Variants in GNG4 observed in about 807,000 individuals in gnomAD.
GNG4 encodes the protein G protein subunit gamma 4.
GNG4 carries 4 observed loss-of-function variants against 5.8 expected under a neutral mutation model. The observed-to-expected ratio is 0.69, with a 90% CI of 0.34 to 1.57. The LOEUF (loss-of-function observed/expected upper bound fraction) is 1.57. GNG4 is among the 40% of genes most tolerant of loss of function. The pLI is 0.06. For missense variants in GNG4, 96 were observed against 95.1 expected (o/e 1.01, Z -0.04); for synonymous variants, 29 against 32.9 (o/e 0.88, Z 0.41).
chr1:235,587,435 TGG>T (rs1687811578), intron 2 of GNG4, among the ~76,000 whole-genome samples: 3 of 18,400 alleles, frequency 1.6e-4, no homozygotes, highest in South Asian at 3.0e-3. Flanking sequence ...TGTGTGAGGG[TGG>T]GTGAGCGTGT....
In GNG4 at chr1:235,608,617, C is replaced by T. The variant is rs560279496; in HGVS notation, c.-122-13106G>A. ...TCTGGACATTTCACATAAATAAAAT[C>T]ACAAAATATGCAGTCTTTTGTGACT... On this transcript the variant is annotated intron_variant, in intron 1 of 3. Coordinates refer to ENST00000391854, the MANE Select transcript of GNG4 (RefSeq NM_001098722.2). 7.2e-5 allele frequency among the ~76,000 whole-genome samples: 11 copies of T among 152,290 alleles called. 1 individual carries two copies. The South Asian group carries it at 2.3e-3, about 32-fold the overall frequency.
At chr1:235,561,958 A>G (rs1372785769) in intron 3 of GNG4, among the ~76,000 whole-genome samples, 1 of 152,136 alleles carries the variant, frequency 6.6e-6, no homozygotes, top group Non-Finnish European at 1.5e-5. Context: ...ATTTATGTCT[A>G]TAATTTATTT....
At chr1:235,593,362 C>T (rs1156827762) in intron 2 of GNG4, among the ~76,000 whole-genome samples, 1 of 152,192 alleles carries the variant, frequency 6.6e-6, no homozygotes, top group East Asian at 1.9e-4. Context: ...CTGACCTGAC[C>T]TGACTCACGG....
chr1:235,587,018 G>A (rs1687774305), intron 2 of GNG4, among the ~76,000 whole-genome samples: 1 of 151,990 alleles, frequency 6.6e-6, no homozygotes, highest in African/African-American at 2.4e-5. Flanking sequence ...GGGAGGTTCA[G>A]GGGAGGAGGA....
At chr1:235,619,159 T>G (rs1208189165) in intron 1 of GNG4, among the ~76,000 whole-genome samples, 2 of 100,236 alleles carry the variant, frequency 2.0e-5, no homozygotes, top group African/African-American at 8.9e-5. Flanking sequence ...AAAAAAAAAT[T>G]TATATATATA....
chr1:235,577,871 T>G (rs1687525355), intron 3 of GNG4, among the ~76,000 whole-genome samples: 1 of 152,094 alleles, frequency 6.6e-6, no homozygotes, highest in South Asian at 2.1e-4. Context: ...CCCTCTTTCC[T>G]TCCTCCTCTC....
At chr1:235,591,051 T>G (rs540836930) in intron 2 of GNG4, among the ~76,000 whole-genome samples, 1 of 152,248 alleles carries the variant, frequency 6.6e-6, no homozygotes, top group Admixed American at 6.5e-5. Flanking sequence ...ACACTTTGAG[T>G]AGCAAGGCTC....
chr1:235,645,104 T>C (rs562584726), intron 1 of GNG4, among the ~76,000 whole-genome samples: 75 of 152,290 alleles, frequency 4.9e-4, no homozygotes, highest in Non-Finnish European at 8.8e-4. Context: ...CTGCCTGACC[T>C]CTGGCCTCTG....
In GNG4 at chr1:235,644,885, A is replaced by G. The variant is rs770510843; in HGVS notation, c.-123+4777T>C. ...GATGCCAGTTGTTGGGTGTAGCTGG[A>G]CCTTCCTATAGACAGGGAGCCATGG... On this transcript the variant is annotated intron_variant, in intron 1 of 3. Coordinates refer to ENST00000391854, the MANE Select transcript of GNG4 (RefSeq NM_001098722.2). The surrounding 1 kb of genome is among the most constrained non-coding windows in gnomAD (Gnocchi z 5.9). 2.6e-5 allele frequency among the ~76,000 whole-genome samples: 4 copies of G among 152,030 alleles called. No homozygotes were observed. The highest frequency in any genetic ancestry group is 4.4e-5 in the Non-Finnish European group (3 of 68,008).
chr1:235,587,307 TGAG>T (rs1687793834), intron 2 of GNG4, among the ~76,000 whole-genome samples: 1 of 31,414 alleles, frequency 3.2e-5, no homozygotes, highest in African/African-American at 3.1e-4. Flanking sequence ...TGTGTGAGGG[TGAG>T]GGGTGTGTGT....
chr1:235,646,111 C>T (rs1657504681), intron 1 of GNG4, among the ~76,000 whole-genome samples: 1 of 152,194 alleles, frequency 6.6e-6, no homozygotes. Flanking sequence ...TCTTCTATCT[C>T]TAGGGCCTTC....
In GNG4 at chr1:235,617,547, T is replaced by C. The variant is rs115361031; in HGVS notation, c.-122-22036A>G. 1.2e-3 allele frequency among the ~76,000 whole-genome samples: 179 copies of C among 152,178 alleles called. 4 individuals carry two copies. Among genetic ancestry groups the C allele is most frequent in the African/African-American group, 4.2e-3 (173 of 41,508 alleles). ...GGTCAGAGAGTCTACAAGGAAACAA[T>C]GTTTTGCTGTGATTCCCACTTCCCT... On this transcript the variant is annotated intron_variant, in intron 1 of 3. Transcript: ENST00000391854.
intron 1 of GNG4, among the ~76,000 whole-genome samples, chr1:235,637,703 G>A (rs1032367421): frequency 1.3e-5 from 2 of 151,600 alleles, no homozygotes; most frequent in African/African-American, 4.8e-5. Flanking sequence ...ATGATGAGGT[G>A]GAAACAGATG....
chr1:235,647,047 T>G (rs6680397), intron 1 of GNG4, among the ~76,000 whole-genome samples: 105,050 of 152,002 alleles, frequency 0.69, 36,990 homozygotes, highest in African/African-American at 0.79. Context: ...TCTCCTTTTC[T>G]TTCCTGATAC....
At chr1:235,591,283 C>G (rs72761728) in intron 2 of GNG4, among the ~76,000 whole-genome samples, 25 of 152,314 alleles carry the variant, frequency 1.6e-4, no homozygotes, top group Non-Finnish European at 2.9e-4. Flanking sequence ...GTCTGTCCTG[C>G]TCTCCTGGAA....
chr1:235,586,933 T>C (rs893645392), intron 2 of GNG4, among the ~76,000 whole-genome samples: 2 of 152,136 alleles, frequency 1.3e-5, no homozygotes, highest in African/African-American at 4.8e-5. Context: ...TGCCTTCAAA[T>C]CTTGATCCTG....
intron 1 of GNG4, among the ~76,000 whole-genome samples, chr1:235,634,866 G>A (rs950876068): frequency 7.9e-5 from 12 of 152,092 alleles, no homozygotes; most frequent in East Asian, 1.9e-4. Context: ...CCCAGGAGGC[G>A]GAGGTTGCAG....
chr1:235,600,082 T>A (rs928439856), intron 1 of GNG4, among the ~76,000 whole-genome samples: 1 of 146,808 alleles, frequency 6.8e-6, no homozygotes, highest in South Asian at 2.1e-4. Context: ...GATTCCTTTA[T>A]CTGGTTGCGG....
chr1:235,573,787 A>C (rs1240671740), intron 3 of GNG4, among the ~76,000 whole-genome samples: 1 of 152,080 alleles, frequency 6.6e-6, no homozygotes, highest in African/African-American at 2.4e-5. Flanking sequence ...AAAAAAAAGG[A>C]AAAATAAAAA....
Sources: gnomAD v4.1 joint callset for allele counts (sites outside exome capture counted in the v4.1 genomes callset) on GRCh38, gnomAD v4.1.1 for gene constraint, Gnocchi (gnomAD v3.1) non-coding constraint, MANE v1.5 for transcripts, NCBI Gene and HGNC (gene_info 2026-07-23, HGNC 2026-07-21) for gene names.